The following AP3B1 variants were observed in gnomAD, a reference collection of about 807,000 sequenced individuals.
AP3B1 encodes the protein AP-3 complex subunit beta-1.
In AP3B1, 61 loss-of-function variants were observed where a neutral mutation model predicts 132.5. That is an observed-to-expected ratio of 0.46 (90% CI 0.37 to 0.57). The LOEUF is 0.57. Among genes scored for constraint, AP3B1 ranks in the 20% least tolerant of loss-of-function variants. The pLI is 0.00. For synonymous variants in AP3B1, 388 were observed against 438.3 expected, an observed-to-expected ratio of 0.89 and a Z score of 1.43; for missense variants, 1,120 against 1,289.4, an observed-to-expected ratio of 0.87 and a Z score of 2.01.
At chr5:78,012,039 C>T (rs1746645219) in intron 26 of AP3B1, among the ~76,000 whole-genome samples, 1 of 151,854 alleles carries the variant, frequency 6.6e-6, no homozygotes, top group Non-Finnish European at 1.5e-5. Flanking sequence ...AACTGATTAC[C>T]ATTAATAAAT....
chr5:78,216,297 T>G, intron 6 of AP3B1, 60 bp from the exon 7 acceptor site: 1 of 1,476,304 alleles, frequency 6.8e-7, no homozygotes, highest in African/African-American at 1.4e-5. Flanking sequence ...TCAAAGGTCT[T>G]ACTCAGGCAT....
intron 7 of AP3B1, among the ~76,000 whole-genome samples, chr5:78,204,577 A>C (rs1235113064): frequency 1.3e-5 from 2 of 152,156 alleles, no homozygotes; most frequent in Non-Finnish European, 2.9e-5. Flanking sequence ...CTTTTGTTCC[A>C]GGCTTCTTGG....
chr5:78,077,734 T>C (rs906196385), intron 22 of AP3B1, among the ~76,000 whole-genome samples: 5 of 152,194 alleles, frequency 3.3e-5, no homozygotes, highest in African/African-American at 1.2e-4. Context: ...CCAGACTCAG[T>C]TCCAAGGTTA....
chr5:78,033,898 T>A (rs912432002), intron 24 of AP3B1, among the ~76,000 whole-genome samples: 2 of 150,136 alleles, frequency 1.3e-5, no homozygotes, highest in East Asian at 1.9e-4. Context: ...AAAAAAAAAA[T>A]GTGTGAGTTT....
At chr5:78,244,085 T>C (rs542921425) in intron 2 of AP3B1, among the ~76,000 whole-genome samples, 1 of 152,248 alleles carries the variant, frequency 6.6e-6, no homozygotes, top group African/African-American at 2.4e-5. Flanking sequence ...TGAAAATAGA[T>C]TATATATGAT....
intron 7 of AP3B1, among the ~76,000 whole-genome samples, chr5:78,202,645 A>T (rs1021369333): frequency 1.3e-5 from 2 of 151,534 alleles, no homozygotes; most frequent in Non-Finnish European, 2.9e-5. Context: ...TGAATACAAC[A>T]CTATAATGAA....
chr5:78,287,248 T>C (rs1749321857), intron 1 of AP3B1, among the ~76,000 whole-genome samples: 1 of 152,176 alleles, frequency 6.6e-6, no homozygotes, highest in Admixed American at 6.5e-5. Flanking sequence ...ATTTTTCTCC[T>C]CAAATTTTAC....
chr5:78,136,718 G>GTTT (rs1300789377), intron 15 of AP3B1, among the ~76,000 whole-genome samples: 17 of 128,482 alleles, frequency 1.3e-4, no homozygotes, highest in African/African-American at 5.1e-4. Context: ...TTGTACTTCT[G>GTTT]GTTTTTTTTT....
intron 17 of AP3B1, among the ~76,000 whole-genome samples, chr5:78,122,496 A>T (rs1325981482): frequency 2.6e-5 from 4 of 152,226 alleles, no homozygotes; most frequent in East Asian, 1.9e-4. Flanking sequence ...ACTTCAGCAA[A>T]GTCTCAGGAT....
chr5:78,213,835 C>T (rs1745851545), intron 7 of AP3B1, among the ~76,000 whole-genome samples: 1 of 152,198 alleles, frequency 6.6e-6, no homozygotes, highest in Non-Finnish European at 1.5e-5. Context: ...ATTAGCTAAA[C>T]TTATAAATCT....
At chr5:78,084,502 C>T (rs947349409) in intron 22 of AP3B1, among the ~76,000 whole-genome samples, 8 of 115,096 alleles carry the variant, frequency 7.0e-5, no homozygotes, top group Non-Finnish European at 1.3e-4. Flanking sequence ...CCAACCTGGG[C>T]GACAGAGCCA....
Position 78,127,925 on chromosome 5 carries a change from C to A in AP3B1, c.1968+105G>T, listed in dbSNP as rs1752529094. On this transcript the variant is annotated intron_variant, in intron 17 of 26. Transcript: ENST00000255194. The stretch of plus-strand genomic sequence containing the variant: ...CACATTACATTTAGAAATACTAGAA[C>A]AATTTTCAATTTTCAACTCTCCAAA... The A allele has an allele frequency of 6.0e-6, 8 of 1,343,866 alleles. No individual in the cohort carries two copies. The South Asian group carries it at 7.1e-5, about 12-fold the overall frequency. 83.2% of individuals were successfully genotyped at this position (1,343,866 alleles called of 1,614,324 possible). A position where few individuals can be genotyped will look rare whatever the true frequency, so the allele number is the denominator to read the frequency against.
chr5:78,216,506 A>G (rs1561482695), intron 6 of AP3B1, among the ~76,000 whole-genome samples: 2 of 152,188 alleles, frequency 1.3e-5, no homozygotes, highest in Non-Finnish European at 2.9e-5. Context: ...ATTTCAACAC[A>G]TTGTTCATAT....
At chr5:78,087,378 C>A (rs1750307822) in intron 22 of AP3B1, 1 of 261,560 alleles carries the variant, frequency 3.8e-6, no homozygotes, top group African/African-American at 2.3e-5. Flanking sequence ...TTTCTCAGTA[C>A]TGTTCTGAGG....
At chr5:78,065,762 T>C (rs920661332) in intron 22 of AP3B1, among the ~76,000 whole-genome samples, 19 of 152,160 alleles carry the variant, frequency 1.2e-4, no homozygotes, top group African/African-American at 4.1e-4. Flanking sequence ...CCGGGCAGTC[T>C]GGATGAGTGG....
At chr5:78,033,711 GC>G (rs1238290291) in intron 24 of AP3B1, among the ~76,000 whole-genome samples, 1 of 151,852 alleles carries the variant, frequency 6.6e-6, no homozygotes, top group Non-Finnish European at 1.5e-5. Context: ...GTTCTAATTT[GC>G]TAATAGCCTC....
intron 14 of AP3B1, among the ~76,000 whole-genome samples, chr5:78,155,094 T>G (rs1165227159): frequency 6.6e-6 from 1 of 152,202 alleles, no homozygotes; most frequent in South Asian, 2.1e-4. Context: ...CTTATTGTAT[T>G]TGGGAAGGCT....
chr5:78,137,102 T>C (rs752090027), intron 15 of AP3B1, among the ~76,000 whole-genome samples: 4 of 152,170 alleles, frequency 2.6e-5, no homozygotes, highest in African/African-American at 7.2e-5. Flanking sequence ...TGGTTCTTCT[T>C]ATGTTGAGTA....
At chr5:78,051,818 T>C (rs1748596622) in intron 22 of AP3B1, among the ~76,000 whole-genome samples, 1 of 152,092 alleles carries the variant, frequency 6.6e-6, no homozygotes, top group Non-Finnish European at 1.5e-5. Flanking sequence ...GGTAAGAAAA[T>C]AGCTATAAAC....
Sources: allele counts gnomAD v4.1 joint callset (sites outside exome capture counted in the v4.1 genomes callset), GRCh38; gene constraint gnomAD v4.1.1; transcripts MANE v1.5; gene names NCBI Gene and HGNC (gene_info 2026-07-23, HGNC 2026-07-21).